The following EXOC6 variants were observed in gnomAD, a reference collection of about 807,000 sequenced individuals.
EXOC6 encodes the protein SEC15-like 1.
Under a neutral mutation model 112.5 loss-of-function variants are expected in EXOC6, and 60 were observed. That is an observed-to-expected ratio of 0.53 (90% CI 0.43 to 0.66). The LOEUF is 0.66. EXOC6 is among the 30% of genes least tolerant of loss of function. The pLI is 0.00. For missense variants in EXOC6, 855 were observed against 957.1 expected (o/e 0.89, Z 1.41); for synonymous variants, 295 against 308.0 (o/e 0.96, Z 0.44).
At chr10:92,930,622 CAACA>C (rs1851975801) in intron 9 of EXOC6, among the ~76,000 whole-genome samples, 1 of 151,922 alleles carries the variant, frequency 6.6e-6, no homozygotes, top group Non-Finnish European at 1.5e-5. Context: ...TCACTTCTTT[CAACA>C]ATTAAAGGGG....
intron 19 of EXOC6, among the ~76,000 whole-genome samples, chr10:93,008,868 C>T (rs539554643): frequency 6.6e-6 from 1 of 152,160 alleles, no homozygotes; most frequent in Non-Finnish European, 1.5e-5. Context: ...TATAAATACA[C>T]TAAGTGTATA....
chr10:92,873,602 C>G (rs1848551524), intron 1 of EXOC6, among the ~76,000 whole-genome samples: 1 of 152,102 alleles, frequency 6.6e-6, no homozygotes, highest in Non-Finnish European at 1.5e-5. Flanking sequence ...TTGACAGAAT[C>G]TCTTCAAATA....
intron 14 of EXOC6, among the ~76,000 whole-genome samples, chr10:92,949,040 G>T (rs753532395): frequency 6.6e-6 from 1 of 152,148 alleles, no homozygotes; most frequent in Non-Finnish European, 1.5e-5. Context: ...ATGCACCCTT[G>T]TACCTACCCA....
chr10:92,859,016 C>T (rs565109216), intron 1 of EXOC6, among the ~76,000 whole-genome samples: 109 of 152,330 alleles, frequency 7.2e-4, no homozygotes, highest in Admixed American at 4.0e-3. Flanking sequence ...CCACCTGCAT[C>T]GGCCTCCCAG....
chr10:92,907,712 G>A (rs1850521727), intron 5 of EXOC6, among the ~76,000 whole-genome samples: 1 of 152,098 alleles, frequency 6.6e-6, no homozygotes, highest in African/African-American at 2.4e-5. Flanking sequence ...AGATAGTGTG[G>A]TTTGACTGTT....
intron 3 of EXOC6, 43 bp from the exon 4 acceptor site, chr10:92,894,887 T>C: frequency 1.2e-6 from 2 of 1,608,482 alleles, no homozygotes; most frequent in Non-Finnish European, 8.5e-7. Flanking sequence ...TAGTTGTTCT[T>C]TAACTGTTTG....
intron 1 of EXOC6, among the ~76,000 whole-genome samples, chr10:92,882,206 A>T (rs951708928): frequency 2.0e-5 from 3 of 152,146 alleles, no homozygotes; most frequent in Admixed American, 1.3e-4. Flanking sequence ...ATTTTATTCC[A>T]AGATTGAGTG....
At chr10:93,004,384 G>A (rs775705998) in intron 19 of EXOC6, among the ~76,000 whole-genome samples, 3 of 152,100 alleles carry the variant, frequency 2.0e-5, no homozygotes, top group Admixed American at 6.5e-5. Flanking sequence ...ACCAACACTG[G>A]TCTCTTCTAG....
chr10:92,859,199 C>G (rs1847777843), intron 1 of EXOC6, among the ~76,000 whole-genome samples: 1 of 152,124 alleles, frequency 6.6e-6, no homozygotes, highest in Admixed American at 6.5e-5. Flanking sequence ...TTCCTTCCAC[C>G]CCATAACACT....
intron 1 of EXOC6, among the ~76,000 whole-genome samples, chr10:92,870,561 A>G (rs1008857594): frequency 2.0e-5 from 3 of 152,150 alleles, no homozygotes; most frequent in African/African-American, 4.8e-5. Context: ...TTTGATATTT[A>G]TAAGTGAGAT....
At chr10:92,833,168 G>A (rs1312338573), upstream of EXOC6, among the ~76,000 whole-genome samples, 1 of 152,208 alleles carries the variant, frequency 6.6e-6, no homozygotes, top group African/African-American at 2.4e-5. Flanking sequence ...CCATCAGTCT[G>A]TGGCTGAAAA....
At chr10:92,974,902 C>A (rs1256556492) in intron 18 of EXOC6, among the ~76,000 whole-genome samples, 3 of 151,852 alleles carry the variant, frequency 2.0e-5, no homozygotes, top group Non-Finnish European at 2.9e-5. Context: ...CAGTGGCGTG[C>A]TCTCGGCTCG....
At chr10:93,016,300 AT>A (rs35002612) in intron 20 of EXOC6, among the ~76,000 whole-genome samples, 202 of 138,776 alleles carry the variant, frequency 1.5e-3, no homozygotes, top group African/African-American at 2.2e-3. Context: ...TGCCTGGCTC[AT>A]TTTTTTTTTT....
rs558804201 is a variant in EXOC6 at position 93,037,636 on chromosome 10, C to T, written c.2170-19288C>T. Reference sequence around the variant, plus strand: ...TCTATGTTTAGTAGAGGCAGGGTTTCGCCATTTTGGCCAGGCTGGTCTCAA... The same window carrying T: ...TCTATGTTTAGTAGAGGCAGGGTTTTGCCATTTTGGCCAGGCTGGTCTCAA... On this transcript the variant is annotated intron_variant, in intron 20 of 21. Transcript: ENST00000260762. Among the ~76,000 whole-genome samples the T allele has an allele frequency of 5.3e-5, 8 of 152,034 alleles. No homozygotes were observed. The East Asian group carries it at 9.8e-4, about 19-fold the overall frequency.
At chr10:93,002,530 C>T (rs1843801738) in intron 19 of EXOC6, among the ~76,000 whole-genome samples, 1 of 152,148 alleles carries the variant, frequency 6.6e-6, no homozygotes, top group African/African-American at 2.4e-5. Flanking sequence ...CAGCAATTTG[C>T]TTGAATAGAC....
At position 92,940,841 on chromosome 10, in the gene EXOC6, G is replaced by A. The variant is rs376479960; in HGVS notation, c.1310+17G>A. The A allele has an allele frequency of 4.7e-6, 7 of 1,478,302 alleles. No individual in the cohort carries two copies. The African/African-American group carries it at 7.0e-5, about 15-fold the overall frequency. The allele number at this position is 1,478,302 out of a possible 1,614,324, so 91.6% of individuals were successfully genotyped here. On this transcript the variant is annotated intron_variant, in intron 13 of 21. Transcript: ENST00000260762. ...AGTTTTCAGGTTAGTCTAAGTCATG[G>A]TGCCTTAATATAATGAATATGTTTG... is the stretch of plus-strand genomic sequence containing the variant.
In EXOC6 at chr10:92,883,886, G is replaced by GTTCTT. The variant is rs568853415; in HGVS notation, c.102-9440_102-9436dup. Reference sequence around the variant, plus strand: ...AAGAGTTAAGTTTTGTTTTCTTTTTGTTCTTTTCTTTTCTTTTCTTTTCTT... The same window carrying GTTCTT: ...AAGAGTTAAGTTTTGTTTTCTTTTTGTTCTTTTCTTTTCTTTTCTTTTCTTTTCTT... On this transcript the variant is annotated intron_variant, in intron 1 of 21. Transcript: ENST00000260762. 3.5e-3 allele frequency among the ~76,000 whole-genome samples: 520 copies of GTTCTT among 150,402 alleles called. 4 individuals are homozygous for GTTCTT. Among genetic ancestry groups the GTTCTT allele is most frequent in the Non-Finnish European group, 6.0e-3 (404 of 67,354 alleles).
chr10:92,856,990 AAT>A (rs1428210666), intron 1 of EXOC6, among the ~76,000 whole-genome samples: 1 of 152,140 alleles, frequency 6.6e-6, no homozygotes, highest in Non-Finnish European at 1.5e-5. Flanking sequence ...TTTACTTTTA[AAT>A]ATGTCATTAA....
intron 1 of EXOC6, among the ~76,000 whole-genome samples, 163 bp downstream of exon 1, chr10:92,848,797 A>C (rs1338342110): frequency 2.6e-5 from 4 of 151,374 alleles, no homozygotes; most frequent in African/African-American, 4.9e-5. Context: ...TCTAGCCGGT[A>C]CCCGGGCGGG....
Sources: gnomAD v4.1 joint callset for allele counts (sites outside exome capture counted in the v4.1 genomes callset) on GRCh38, gnomAD v4.1.1 for gene constraint, MANE v1.5 for transcripts, NCBI Gene and HGNC (gene_info 2026-07-23, HGNC 2026-07-21) for gene names.